HSPA13: variants seen among roughly 807,000 people sequenced by gnomAD.
HSPA13 encodes heat shock 70 kDa protein 13.
In HSPA13, 29 loss-of-function variants were observed where a neutral mutation model predicts 38.8. The observed-to-expected ratio is 0.75, with a 90% CI of 0.56 to 1.02. The LOEUF is 1.02. Among genes scored for constraint, HSPA13 ranks in the 50% least tolerant of loss-of-function variants. The pLI, the probability that HSPA13 is intolerant of heterozygous loss-of-function variation, is 0.00. For missense variants in HSPA13, 451 were observed against 560.9 expected (o/e 0.80, Z 1.98); for synonymous variants, 192 against 205.3 (o/e 0.94, Z 0.56).
At chr21:14,381,162 A>T (rs757346372) in intron 2 of HSPA13, 41 bp downstream of exon 2, 28 of 1,410,952 alleles carry the variant, frequency 2.0e-5, no homozygotes, top group Admixed American at 1.5e-4. Context: ...TAACTAAAAG[A>T]GTACACTAAA....
chr21:14,381,104 G>C (rs1984156715), intron 2 of HSPA13, 99 bp downstream of exon 2: 1 of 915,134 alleles, frequency 1.1e-6, no homozygotes, highest in African/African-American at 1.7e-5. Context: ...TGTATTAATA[G>C]ATAAAACTAG....
In HSPA13 at chr21:14,378,313, T is replaced by G; in HGVS notation, c.466A>C (p.Lys156Gln). ...YVGSRLLLKL[K>Q]EMAEAYLGMP... ...CCAAGATATGCCTCTGCCATTTCCTTTAACTTCAACAATAGTCGAGAGCCA... is the reference window on the plus strand; with the variant it reads ...CCAAGATATGCCTCTGCCATTTCCTGTAACTTCAACAATAGTCGAGAGCCA... The change falls in exon 3 of 5, where the codon AAG (lysine) becomes CAG (glutamine). Residue 156 changes from lysine to glutamine, a missense_variant. Lys to Gln is a moderately conservative substitution (Grantham distance 53, BLOSUM62 1). Transcript: ENST00000285667. The G allele has an allele frequency of 6.2e-7, 1 of 1,614,020 alleles. No homozygotes were observed. The highest frequency in any genetic ancestry group is 8.5e-7 in the Non-Finnish European group (1 of 1,179,884).
At chr21:14,375,205 C>A (rs1198564732) in intron 4 of HSPA13, among the ~76,000 whole-genome samples, 2 of 152,080 alleles carry the variant, frequency 1.3e-5, no homozygotes, top group Non-Finnish European at 2.9e-5. Flanking sequence ...AGAAATTTTT[C>A]TTCCCTCTGT....
intron 4 of HSPA13, among the ~76,000 whole-genome samples, chr21:14,374,976 G>GA (rs199925551): frequency 5.4e-4 from 81 of 150,192 alleles, no homozygotes; most frequent in African/African-American, 1.5e-3. Context: ...TAGAAAAAGA[G>GA]AAAAAAAAAT....
Position 14,372,845 on chromosome 21 carries a change from T to C in HSPA13, c.*772A>G, listed in dbSNP as rs1173786317. The stretch of plus-strand genomic sequence containing the variant: ...TTATGACATTAACACATTCTTCAAA[T>C]GCAATTACCAATTTTATTCTCTAAC... On this transcript the variant is annotated 3_prime_UTR_variant, in exon 5 of 5. Transcript: ENST00000285667. The C allele has an allele frequency of 6.6e-6, 1 of 152,134 alleles. No individual in the cohort carries two copies. 9.4% of individuals were successfully genotyped at this position (152,134 alleles called of 1,614,324 possible). A position where few individuals can be genotyped will look rare whatever the true frequency, so the allele number is the denominator to read the frequency against.
At chr21:14,374,576 C>A (rs540862169) in intron 4 of HSPA13, among the ~76,000 whole-genome samples, 1 of 152,048 alleles carries the variant, frequency 6.6e-6, no homozygotes, top group East Asian at 1.9e-4. Flanking sequence ...TAAAATAAAT[C>A]AATAAATAAA....
rs536075873 is a variant in HSPA13, at chr21:14,374,388, C to T, written c.749-104G>A. 1.3e-4 allele frequency: 102 copies of T among 808,852 alleles called. 1 individual carries two copies. The East Asian group carries it at 2.2e-3, about 17-fold the overall frequency. 50.1% of individuals were successfully genotyped at this position (808,852 alleles called of 1,614,324 possible). On this transcript the variant is annotated intron_variant, in intron 4 of 4. Transcript: ENST00000285667. Reference sequence around the variant, plus strand: ...AAATTATATTCTGGGAATAACAAATCCCTGTTTCATGTATCATTACAATTT... The same window carrying T: ...AAATTATATTCTGGGAATAACAAATTCCTGTTTCATGTATCATTACAATTT...
At chr21:14,383,065 C>T in intron 1 of HSPA13, 30 bp downstream of exon 1, 4 of 1,613,960 alleles carry the variant, frequency 2.5e-6, no homozygotes, top group South Asian at 2.2e-5. Context: ...TCTACGCCCG[C>T]AAGAGCAACA....
At chr21:14,382,991 T>C in intron 1 of HSPA13, 104 bp downstream of exon 1, 2 of 1,335,340 alleles carry the variant, frequency 1.5e-6, no homozygotes, top group Non-Finnish European at 2.2e-6. Context: ...CCCCTTCCGC[T>C]GCTCCAGCTA....
At position 14,381,505 on chromosome 21, in the gene HSPA13, C is replaced by T; in HGVS notation, c.64G>A (p.Ala22Thr). ...GTAGGCAATGGTAAATACTGTTGTG[C>T]CAAATAGCCGGCCAACAGGAGAGTC... The part of the protein sequence containing the change: ...VLTLLLAGYL[A>T]QQYLPLPTPK... Residue 22 changes from alanine (A) to threonine (T), a missense_variant, in exon 2 of 5, where the codon GCA becomes ACA. Coordinates refer to ENST00000285667, the MANE Select transcript of HSPA13 (RefSeq NM_006948.5). 1.2e-6 allele frequency: 2 copies of T among 1,602,622 alleles called. No individual in the cohort carries two copies.
Position 14,373,674 on chromosome 21 carries a change from G to T in HSPA13, c.1359C>A (p.Leu453=), listed in dbSNP as rs751466529. 2.5e-6 allele frequency: 4 copies of T among 1,613,886 alleles called. No homozygotes were observed. The highest frequency in any genetic ancestry group is 3.3e-5 in the Admixed American group (2 of 59,992). Residue 453 remains leucine, a synonymous_variant, in exon 5 of 5, where the codon CTC becomes CTA. Coordinates refer to ENST00000285667, the MANE Select transcript of HSPA13 (RefSeq NM_006948.5). The part of the protein sequence containing the change: ...QAGIDGGSWP[L]QVSALEIPNK... ...TGGGAATTTCTAAAGCACTGACTTG[G>T]AGAGGCCAAGAGCCTCCATCAATCC... is the stretch of plus-strand genomic sequence containing the variant.
intron 3 of HSPA13, 22 bp from the exon 4 acceptor site, chr21:14,375,841 G>A (rs1412031473): frequency 6.2e-7 from 1 of 1,603,476 alleles, no homozygotes; most frequent in African/African-American, 1.3e-5. Context: ...GTTAAGGGAA[G>A]AAAAATTCAT....
At position 14,383,115 on chromosome 21, in the gene HSPA13, G is replaced by A; in HGVS notation, c.5C>T (p.Ala2Val). 1 of 1,614,002 alleles carries A rather than the reference G, an allele frequency of 6.2e-7. No individual in the cohort carries two copies. Among genetic ancestry groups the A allele is most frequent in the East Asian group, 2.2e-5 (1 of 44,870 alleles). M[A>V]REMTILGSAV... ...CCCACCTAAGATCGTCATCTCTCTGGCCATCACAGTCCCGCCGAACAGGCT... is the reference window on the plus strand; with the variant it reads ...CCCACCTAAGATCGTCATCTCTCTGACCATCACAGTCCCGCCGAACAGGCT... Residue 2 changes from alanine to valine, a missense_variant, in exon 1 of 5, where the codon GCC (alanine) becomes GTC (valine). By Grantham distance (64) the Ala-to-Val change is moderately conservative. Transcript: ENST00000285667.
intron 4 of HSPA13, 29 bp downstream of exon 4, chr21:14,375,623 C>T (rs776538783): frequency 7.5e-6 from 12 of 1,603,390 alleles, no homozygotes; most frequent in East Asian, 4.5e-5. Flanking sequence ...TGAGCCACTG[C>T]GCCCAGCCTC....
chr21:14,373,434 C>A lies in HSPA13; in HGVS notation c.*183G>T, dbSNP rs541117740. ...AGAATAGGATCTCTCCAAAATCAAA[C>A]AGGATCAATCTGGTCACGTCTAATC... On this transcript the variant is annotated 3_prime_UTR_variant, in exon 5 of 5. Coordinates refer to ENST00000285667, the MANE Select transcript of HSPA13 (RefSeq NM_006948.5). The A allele has an allele frequency of 1.2e-4, 65 of 563,734 alleles. No individual in the cohort carries two copies. In the East Asian group the frequency reaches 1.8e-3, roughly 16 times the overall value. The allele number at this position is 563,734 out of a possible 1,614,324, so 34.9% of individuals were successfully genotyped here.
At position 14,373,833 on chromosome 21, in the gene HSPA13, A is replaced by C. The variant is rs377087089; in HGVS notation, c.1200T>G (p.Asp400Glu). ...TGGAGCCCCCAACTAAAACCACCTC[A>C]TCAATCTCAGTCTTTTCCAGGTGGC... ...KEGHLEKTEI[D>E]EVVLVGGSTR... The change falls in exon 5 of 5, where the codon GAT (aspartate) becomes GAG (glutamate). Residue 400 changes from aspartate (D) to glutamate (E), a missense_variant. Coordinates refer to ENST00000285667, the MANE Select transcript of HSPA13 (RefSeq NM_006948.5). 6.2e-7 allele frequency: 1 copy of C among 1,614,086 alleles called. No homozygotes were observed. Among genetic ancestry groups the C allele is most frequent in the Non-Finnish European group, 8.5e-7 (1 of 1,180,028 alleles).
chr21:14,381,159 A>C, intron 2 of HSPA13, 44 bp downstream of exon 2: 1 of 1,404,426 alleles, frequency 7.1e-7, no homozygotes, highest in Non-Finnish European at 9.7e-7. Context: ...CATTAACTAA[A>C]AGAGTACACT....
rs183232028 is a variant in HSPA13 at position 14,372,048 on chromosome 21, C to G, written c.*1569G>C. ...TTGATTGAAATTTGTGTTTTAACAG[C>G]AATTTCATTGCTAAGAATTTTTTTT... On this transcript the variant is annotated 3_prime_UTR_variant, in exon 5 of 5. Coordinates refer to ENST00000285667, the MANE Select transcript of HSPA13 (RefSeq NM_006948.5). The G allele has an allele frequency of 1.6e-3, 248 of 152,274 alleles. No homozygotes were observed. Among genetic ancestry groups the G allele is most frequent in the African/African-American group, 5.7e-3 (238 of 41,520 alleles). The allele number at this position is 152,274 out of a possible 1,614,324, so 9.4% of individuals were successfully genotyped here. A position where few individuals can be genotyped will look rare whatever the true frequency, so the allele number is the denominator to read the frequency against.
chr21:14,381,485 C>A lies in HSPA13; in HGVS notation c.84G>T (p.Leu28Phe), dbSNP rs775361321. The A allele has an allele frequency of 1.2e-6, 2 of 1,613,300 alleles. No homozygotes were observed. Among genetic ancestry groups the A allele is most frequent in the Non-Finnish European group, 1.7e-6 (2 of 1,179,420 alleles). Residue 28 changes from leucine to phenylalanine, a missense_variant, in exon 2 of 5, where the codon TTG becomes TTT. Physicochemically the swap from Leu to Phe is conservative, Grantham distance 22. Coordinates refer to ENST00000285667, the MANE Select transcript of HSPA13 (RefSeq NM_006948.5). Reference sequence around the variant, plus strand: ...CAATACCAATCACTTTAGGAGTAGGCAATGGTAAATACTGTTGTGCCAAAT... The same window carrying A: ...CAATACCAATCACTTTAGGAGTAGGAAATGGTAAATACTGTTGTGCCAAAT... ...AGYLAQQYLP[L>F]PTPKVIGIDL... is the part of the protein sequence containing the mutation.
Sources: gnomAD v4.1 joint callset for allele counts (sites outside exome capture counted in the v4.1 genomes callset) on GRCh38, gnomAD v4.1.1 for gene constraint, MANE v1.5 for transcripts, NCBI Gene and HGNC (gene_info 2026-07-23, HGNC 2026-07-21) for gene names.